The following TTC7A variants were observed in gnomAD, a reference collection of about 807,000 sequenced individuals.
TTC7A encodes the protein tetratricopeptide repeat domain 7A, also known as tetratricopeptide repeat protein 7A.
TTC7A carries 110 observed loss-of-function variants against 103.7 expected under a neutral mutation model. The observed-to-expected ratio is 1.06, with a 90% CI of 0.91 to 1.24. TTC7A has a LOEUF of 1.24. Ranked by LOEUF, TTC7A falls within the 50% of genes most tolerant of loss-of-function variation. The probability of loss-of-function intolerance (pLI) is 0.00; values close to 1 mark genes in which losing one functional copy is unlikely to be tolerated. For synonymous variants in TTC7A, 521 were observed against 467.9 expected (o/e 1.11, Z -1.47); for missense variants, 1,340 against 1,116.3 (o/e 1.20, Z -2.86).
At chr2:47,009,193 C>T (rs1027086383) in intron 10 of TTC7A, among the ~76,000 whole-genome samples, 1 of 152,096 alleles carries the variant, frequency 6.6e-6, no homozygotes, top group Non-Finnish European at 1.5e-5. Context: ...TGCCTTCAAG[C>T]CCCTCAGGCA....
chr2:46,998,554 A>G lies in TTC7A; in HGVS notation c.1065+3355A>G, dbSNP rs548589521. On this transcript the variant is annotated intron_variant, in intron 8 of 19. Coordinates refer to ENST00000319190, the MANE Select transcript of TTC7A (RefSeq NM_020458.4). The stretch of plus-strand genomic sequence containing the variant: ...TTTGATGTTGGCTGGGTTTGGCTAC[A>G]AATGATGGGCTTGGGGAGAAACCTC... 4.6e-5 allele frequency among the ~76,000 whole-genome samples: 7 copies of G among 152,308 alleles called. No homozygotes were observed. In the South Asian group the frequency reaches 1.4e-3, roughly 32 times the overall value.
intron 16 of TTC7A, chr2:47,047,321 GA>G: frequency 6.5e-7 from 1 of 1,547,846 alleles, no homozygotes; most frequent in Non-Finnish European, 8.7e-7. Context: ...CTGTAACAGT[GA>G]AATTTACAGA....
At chr2:47,017,772 T>C (rs1357592704) in intron 11 of TTC7A, among the ~76,000 whole-genome samples, 1 of 152,144 alleles carries the variant, frequency 6.6e-6, no homozygotes, top group Non-Finnish European at 1.5e-5. Context: ...GGCAGTAATG[T>C]CTACTCTCTG....
intron 2 of TTC7A, among the ~76,000 whole-genome samples, chr2:46,920,084 C>G (rs985634386): frequency 2.0e-5 from 3 of 152,162 alleles, no homozygotes; most frequent in African/African-American, 7.2e-5. Flanking sequence ...GACCTTGTTT[C>G]TTCCGTCCCT....
chr2:46,948,531 C>G (rs1049652958), intron 1 of TTC7A, among the ~76,000 whole-genome samples: 2 of 152,008 alleles, frequency 1.3e-5, no homozygotes, highest in African/African-American at 4.8e-5. Flanking sequence ...AGAACGAAAC[C>G]CCCCTGCGAT....
chr2:47,068,900 C>T (rs1199733102), intron 19 of TTC7A, among the ~76,000 whole-genome samples: 1 of 146,824 alleles, frequency 6.8e-6, no homozygotes, highest in South Asian at 2.2e-4. Flanking sequence ...AAGACTCACC[C>T]TACATGGAGA....
chr2:47,024,125 C>A (rs1301801470), intron 13 of TTC7A, among the ~76,000 whole-genome samples, 162 bp from the exon 14 acceptor site: 1 of 152,202 alleles, frequency 6.6e-6, no homozygotes, highest in Non-Finnish European at 1.5e-5. Context: ...CTTCCTTGGT[C>A]TTCATCTGCC....
At chr2:46,955,742 C>T (rs894779144) in intron 2 of TTC7A, among the ~76,000 whole-genome samples, 1 of 152,184 alleles carries the variant, frequency 6.6e-6, no homozygotes, top group Non-Finnish European at 1.5e-5. Flanking sequence ...GGAGGCTTGC[C>T]CTGGGGTCAC....
chr2:47,047,218 C>T (rs775598463), intron 16 of TTC7A: 2 of 1,110,482 alleles, frequency 1.8e-6, no homozygotes, highest in South Asian at 2.8e-5. Flanking sequence ...TGTCATCTCC[C>T]TGAGGCCTCA....
intron 14 of TTC7A, among the ~76,000 whole-genome samples, chr2:47,025,087 A>G (rs1241013863): frequency 6.6e-6 from 1 of 152,208 alleles, no homozygotes; most frequent in East Asian, 1.9e-4. Flanking sequence ...GGGATTGCAG[A>G]CAAGCCTTTG....
chr2:46,965,145 G>A (rs974223958), intron 3 of TTC7A, among the ~76,000 whole-genome samples: 2 of 152,248 alleles, frequency 1.3e-5, no homozygotes, highest in Admixed American at 1.3e-4. Flanking sequence ...CCCGCCCGTT[G>A]AAGATGGGCT....
chr2:46,965,627 T>C (rs921673184), intron 3 of TTC7A, among the ~76,000 whole-genome samples: 1 of 150,920 alleles, frequency 6.6e-6, no homozygotes, highest in African/African-American at 2.4e-5. Flanking sequence ...AGTGATGCGA[T>C]CTCGGCTCAC....
chr2:47,073,017 C>T (rs568496379), intron 19 of TTC7A, among the ~76,000 whole-genome samples: 1 of 152,280 alleles, frequency 6.6e-6, no homozygotes, highest in African/African-American at 2.4e-5. Flanking sequence ...CCCAGACCCC[C>T]CAGGCCTTTC....
Position 47,073,706 on chromosome 2 carries a change from T to G in TTC7A, c.2360T>G (p.Leu787Arg), listed in dbSNP as rs1035019774. 1 of 1,613,870 alleles carries G rather than the reference T, an allele frequency of 6.2e-7. No homozygotes were observed. Among genetic ancestry groups the G allele is most frequent in the Non-Finnish European group, 8.5e-7 (1 of 1,179,996 alleles). The change falls in exon 20 of 20, where the codon CTG becomes CGG. Residue 787 changes from leucine (L) to arginine (R), a missense_variant. Leu to Arg is a moderately radical substitution (Grantham distance 102). Transcript: ENST00000319190. ...DGVRIMHSLG[L>R]MLSRLGHKSL... ...TGCCCTGTGCTTCGTCCACAGGGTC[T>G]GATGCTGAGTCGGCTGGGCCACAAG...
chr2:47,003,649 C>T (rs938733853), intron 8 of TTC7A, among the ~76,000 whole-genome samples: 7 of 152,236 alleles, frequency 4.6e-5, no homozygotes, highest in African/African-American at 7.2e-5. Context: ...CTTCCCACCC[C>T]TGCAGACTGC....
At chr2:46,935,971 G>C (rs1384666500) in intron 2 of TTC7A, among the ~76,000 whole-genome samples, 2 of 151,936 alleles carry the variant, frequency 1.3e-5, no homozygotes, top group Non-Finnish European at 2.9e-5. Flanking sequence ...TGTGCCTGTA[G>C]TCCCAGCTAC....
rs1672915616 is a variant in TTC7A at position 46,966,983 on chromosome 2, C to T, written c.518-7990C>T. Among the ~76,000 whole-genome samples the T allele has an allele frequency of 2.0e-5, 3 of 150,782 alleles. No homozygotes were observed. The South Asian group carries it at 6.3e-4, about 31-fold the overall frequency. ...ATCCCAGTACTTTGGGAGGCTGAGG[C>T]GGGTGGATCACCTGAGGTCAGGAGT... is the stretch of plus-strand genomic sequence containing the variant. On this transcript the variant is annotated intron_variant, in intron 3 of 19. Transcript: ENST00000319190.
At chr2:47,070,048 G>C (rs1376240156) in intron 19 of TTC7A, among the ~76,000 whole-genome samples, 1 of 93,972 alleles carries the variant, frequency 1.1e-5, no homozygotes, top group Non-Finnish European at 2.1e-5. Flanking sequence ...CGCCAAGGCT[G>C]CTTCCCAGGG....
In TTC7A at chr2:47,028,418, A is replaced by G. The variant is rs1234938636; in HGVS notation, c.1642-806A>G. Among the ~76,000 whole-genome samples, 5 of 152,244 alleles carry G rather than the reference A, an allele frequency of 3.3e-5. No homozygotes were observed. The East Asian group carries it at 7.7e-4, about 23-fold the overall frequency. On this transcript the variant is annotated intron_variant, in intron 14 of 19. Transcript: ENST00000319190. ...TGCCTGCAGGGTTGGCGGGAGCAGT[A>G]GAAGGTGCCCTTCCATGCTGCACCA...
Sources: allele counts gnomAD v4.1 joint callset (sites outside exome capture counted in the v4.1 genomes callset), GRCh38; gene constraint gnomAD v4.1.1; transcripts MANE v1.5; gene names NCBI Gene and HGNC (gene_info 2026-07-23, HGNC 2026-07-21).